DMXL2: variants seen among roughly 807,000 people sequenced by gnomAD.
DMXL2 encodes dmX-like protein 2.
In DMXL2, 103 loss-of-function variants were observed where a neutral mutation model predicts 331.1. The observed-to-expected ratio is 0.31, with a 90% confidence interval of 0.27 to 0.37. The LOEUF (loss-of-function observed/expected upper bound fraction) is 0.37. Ranked by LOEUF, DMXL2 falls within the 10% of genes least tolerant of loss-of-function variation. The pLI, the probability that DMXL2 is intolerant of heterozygous loss-of-function variation, is 1.00. For synonymous variants in DMXL2, 1,281 were observed against 1,252.1 expected, an observed-to-expected ratio of 1.02 and a Z score of -0.49; for missense variants, 3,171 against 3,642.9, an observed-to-expected ratio of 0.87 and a Z score of 3.33.
intron 8 of DMXL2, among the ~76,000 whole-genome samples, chr15:51,544,816 T>A (rs1231438271): frequency 4.6e-5 from 7 of 152,194 alleles, no homozygotes; most frequent in African/African-American, 1.7e-4. Context: ...AGTTGAATTA[T>A]AAATTCCGTA....
In DMXL2 at chr15:51,530,363, A is replaced by G. The variant is rs560833746; in HGVS notation, c.2436+5300T>C. ...ACTCCACCAAAAACCATTAGAATTGATAAATTCAGTAAAGTTCCAGGATAT... is the reference window on the plus strand; with the variant it reads ...ACTCCACCAAAAACCATTAGAATTGGTAAATTCAGTAAAGTTCCAGGATAT... On this transcript the variant is annotated intron_variant, in intron 13 of 43. Transcript: ENST00000560891. 2.0e-5 allele frequency among the ~76,000 whole-genome samples: 3 copies of G among 152,290 alleles called. No homozygotes were observed. In the East Asian group the frequency reaches 5.8e-4, roughly 29 times the overall value.
At chr15:51,455,265 A>G in intron 39 of DMXL2, 37 bp from the exon 40 acceptor site, 1 of 1,522,384 alleles carries the variant, frequency 6.6e-7, no homozygotes, top group Non-Finnish European at 9.1e-7. Context: ...ACATGTTCTT[A>G]GCATCCACAG....
chr15:51,601,536 C>T (rs1466728221), intron 1 of DMXL2, among the ~76,000 whole-genome samples: 12 of 152,144 alleles, frequency 7.9e-5, no homozygotes, highest in Admixed American at 7.9e-4. Context: ...ATCAACCATC[C>T]TGTTACTCTA....
intron 1 of DMXL2, among the ~76,000 whole-genome samples, chr15:51,620,632 T>G (rs1356234383): frequency 6.6e-6 from 1 of 152,218 alleles, no homozygotes; most frequent in Non-Finnish European, 1.5e-5. Context: ...GATGAAGAAG[T>G]TATCGGACAT....
intron 40 of DMXL2, chr15:51,454,270 A>G (rs2039418575): frequency 2.6e-5 from 4 of 152,152 alleles, no homozygotes; most frequent in Admixed American, 2.6e-4. Flanking sequence ...AGGCGTTCTG[A>G]ACCTCCCTCC....
intron 18 of DMXL2, among the ~76,000 whole-genome samples, 158 bp from the exon 19 acceptor site, chr15:51,495,292 T>G (rs1434241145): frequency 2.0e-5 from 3 of 152,008 alleles, no homozygotes; most frequent in African/African-American, 7.3e-5. Context: ...TTACAAAAAA[T>G]TATCTTTACA....
chr15:51,474,684 A>G lies in DMXL2; in HGVS notation c.6965-92T>C, dbSNP rs1451561859. 3 of 1,334,732 alleles carry G rather than the reference A, an allele frequency of 2.2e-6. No individual in the cohort carries two copies. The Admixed American group carries it at 8.4e-5, about 37-fold the overall frequency. 82.7% of individuals were successfully genotyped at this position (1,334,732 alleles called of 1,614,324 possible). A position where few individuals can be genotyped will look rare whatever the true frequency, so the allele number is the denominator to read the frequency against. ...ATTTGCAACTTATCCAAAATTATGC[A>G]TTTATATTTTACAAAATATTTCCAT... On this transcript the variant is annotated intron_variant, in intron 27 of 43. Coordinates refer to ENST00000560891, the MANE Select transcript of DMXL2 (RefSeq NM_001378457.1).
chr15:51,598,452 C>T (rs1256475012), intron 1 of DMXL2, among the ~76,000 whole-genome samples: 2 of 152,088 alleles, frequency 1.3e-5, no homozygotes, highest in African/African-American at 2.4e-5. Flanking sequence ...TGATAAAATA[C>T]TATTATCTAT....
intron 15 of DMXL2, among the ~76,000 whole-genome samples, chr15:51,511,231 G>A (rs189462229): frequency 3.1e-4 from 47 of 152,260 alleles, no homozygotes; most frequent in Admixed American, 5.9e-4. Context: ...CACAGCAAAA[G>A]AAACTATCAC....
intron 42 of DMXL2, among the ~76,000 whole-genome samples, chr15:51,450,885 A>G (rs1253611990): frequency 6.6e-6 from 1 of 152,234 alleles, no homozygotes; most frequent in Non-Finnish European, 1.5e-5. Context: ...GAATTCTGCA[A>G]TAAAATTGAG....
At chr15:51,486,007 A>G (rs2042368353) in intron 23 of DMXL2, 66 bp downstream of exon 23, 1 of 1,450,634 alleles carries the variant, frequency 6.9e-7, no homozygotes, top group South Asian at 1.5e-5. Context: ...AATCTAAGTG[A>G]ACATTAGTTC....
At chr15:51,536,065 C>T (rs2048269022) in intron 12 of DMXL2, 101 bp downstream of exon 12, 1 of 1,107,296 alleles carries the variant, frequency 9.0e-7, no homozygotes, top group Non-Finnish European at 1.2e-6. Context: ...AAACTGAATA[C>T]TTATTAAAAA....
At chr15:51,489,525 C>T (rs1362092331) in intron 20 of DMXL2, among the ~76,000 whole-genome samples, 9 of 152,086 alleles carry the variant, frequency 5.9e-5, no homozygotes, top group African/African-American at 1.9e-4. Flanking sequence ...GGCATGGTGG[C>T]GCACGCCTGT....
intron 6 of DMXL2, among the ~76,000 whole-genome samples, chr15:51,547,857 A>G (rs1014101619): frequency 1.3e-5 from 2 of 152,158 alleles, no homozygotes; most frequent in Non-Finnish European, 2.9e-5. Flanking sequence ...CTATATCAAG[A>G]GTCAGCAAAT....
intron 1 of DMXL2, among the ~76,000 whole-genome samples, chr15:51,616,156 T>A (rs1236600903): frequency 6.6e-6 from 1 of 152,176 alleles, no homozygotes; most frequent in African/African-American, 2.4e-5. Context: ...AGGGTATTAT[T>A]TATTCCCCTA....
In DMXL2 at chr15:51,569,752, A is replaced by C. The variant is rs181209179; in HGVS notation, c.214-1194T>G. 2.3e-3 allele frequency among the ~76,000 whole-genome samples: 348 copies of C among 152,350 alleles called. 2 individuals are homozygous for C. The highest frequency in any genetic ancestry group is 2.5e-3 in the East Asian group (13 of 5,178). ...CAGCAGAGGGGCCTGACTGTTAGAA[A>C]GAAAACTAACAAACATAAAGGAATA... On this transcript the variant is annotated intron_variant, in intron 2 of 43. Transcript: ENST00000560891.
intron 40 of DMXL2, among the ~76,000 whole-genome samples, 159 bp from the exon 41 acceptor site, chr15:51,453,800 T>A (rs1566972137): frequency 6.6e-6 from 1 of 152,248 alleles, no homozygotes; most frequent in Non-Finnish European, 1.5e-5. Context: ...GTATGAGGCT[T>A]AACTGTCATG....
chr15:51,539,804 A>G (rs972284136), intron 9 of DMXL2, among the ~76,000 whole-genome samples: 5 of 152,202 alleles, frequency 3.3e-5, no homozygotes, highest in Non-Finnish European at 7.4e-5. Flanking sequence ...AAAAAATGGT[A>G]TAAATCAAAA....
chr15:51,566,443 C>T lies in DMXL2; in HGVS notation c.286-1277G>A, dbSNP rs141154844. 6.2e-3 allele frequency among the ~76,000 whole-genome samples: 949 copies of T among 152,126 alleles called. 7 individuals carry two copies. The highest frequency in any genetic ancestry group is 0.022 in the African/African-American group (911 of 41,470). ...ATTTTAGTGTAGTAATTAAATAATT[C>T]CTAAAATTATAGACATCCCTAATAT... On this transcript the variant is annotated intron_variant, in intron 3 of 43. Coordinates refer to ENST00000560891, the MANE Select transcript of DMXL2 (RefSeq NM_001378457.1).
Sources: gnomAD v4.1 joint callset for allele counts (sites outside exome capture counted in the v4.1 genomes callset) on GRCh38, gnomAD v4.1.1 for gene constraint, MANE v1.5 for transcripts, NCBI Gene and HGNC (gene_info 2026-07-23, HGNC 2026-07-21) for gene names.